TTLL4: variants seen among roughly 807,000 people sequenced by gnomAD.
The protein encoded by TTLL4 is tubulin monoglutamylase TTLL4.
In TTLL4, 85 loss-of-function variants were observed where a neutral mutation model predicts 122.7. The ratio of observed to expected loss-of-function variants is 0.69; its 90% CI spans 0.58 to 0.83. TTLL4 has a LOEUF of 0.83. TTLL4 is among the 40% of genes least tolerant of loss of function. The probability of loss-of-function intolerance (pLI) is 0.00; values close to 1 mark genes in which losing one functional copy is unlikely to be tolerated. For synonymous variants in TTLL4, 553 were observed against 563.0 expected (o/e 0.98, Z 0.25); for missense variants, 1,363 against 1,488.6 (o/e 0.92, Z 1.39).
At position 218,738,705 on chromosome 2, in the gene TTLL4, G is replaced by A; in HGVS notation, c.1029G>A (p.Leu343=). The A allele has an allele frequency of 6.2e-7, 1 of 1,614,230 alleles. No individual in the cohort carries two copies. The highest frequency in any genetic ancestry group is 2.2e-5 in the East Asian group (1 of 44,890). Reference sequence around the variant, plus strand: ...GGTTCACTGAGGCCGTGAGGAAATTGACCGCAAGAGGCTTTGAGAAGATGC... The same window carrying A: ...GGTTCACTGAGGCCGTGAGGAAATTAACCGCAAGAGGCTTTGAGAAGATGC... The part of the protein sequence containing the change: ...EIRFTEAVRK[L]TARGFEKMPR... The change falls in exon 3 of 20, where the codon TTG becomes TTA. Residue 343 remains leucine, a synonymous_variant. Coordinates refer to ENST00000392102, the MANE Select transcript of TTLL4 (RefSeq NM_014640.5).
intron 2 of TTLL4, among the ~76,000 whole-genome samples, chr2:218,730,355 A>AAAAAAG (rs1205364896): frequency 6.9e-6 from 1 of 143,970 alleles, no homozygotes; most frequent in African/African-American, 2.6e-5. Context: ...AAAAAGAAAA[A>AAAAAAG]AAATTAGCTG....
chr2:218,749,141 T>C (rs145726237), intron 13 of TTLL4, 112 bp from the exon 14 acceptor site: 142 of 1,490,420 alleles, frequency 9.5e-5, no homozygotes, highest in Non-Finnish European at 1.2e-4. Flanking sequence ...AGAGCTACCT[T>C]TCCTGGGTTG....
At chr2:218,742,662 T>C (rs1012984118) in intron 5 of TTLL4, among the ~76,000 whole-genome samples, 2 of 152,204 alleles carry the variant, frequency 1.3e-5, no homozygotes, top group African/African-American at 4.8e-5. Flanking sequence ...GTTTGTTTTT[T>C]AAATTAAGCT....
chr2:218,750,761 T>C (rs1942994587), intron 15 of TTLL4, among the ~76,000 whole-genome samples: 1 of 152,200 alleles, frequency 6.6e-6, no homozygotes, highest in Non-Finnish European at 1.5e-5. Flanking sequence ...CCTCTGCTTA[T>C]GGAGTTTCTC....
chr2:218,758,010 AC>A (rs1943185131), downstream of TTLL4, among the ~76,000 whole-genome samples: 1 of 152,066 alleles, frequency 6.6e-6, no homozygotes, highest in South Asian at 2.1e-4. Context: ...GCCTTTCACA[AC>A]CCTTCTTGGC....
At chr2:218,748,383 G>T (rs1195839496) in intron 12 of TTLL4, 156 bp downstream of exon 12, 2 of 1,216,584 alleles carry the variant, frequency 1.6e-6, no homozygotes, top group East Asian at 5.4e-5. Context: ...GGCCGGATGT[G>T]GTGGCTCACG....
chr2:218,751,771 A>G lies in TTLL4; in HGVS notation c.2941A>G (p.Lys981Glu), dbSNP rs1218865997. The G allele has an allele frequency of 1.4e-5, 23 of 1,613,498 alleles. No individual in the cohort carries two copies. The highest frequency in any genetic ancestry group is 1.9e-5 in the Non-Finnish European group (22 of 1,179,688). Residue 981 changes from lysine to glutamate, a missense_variant, in exon 16 of 20, where the codon AAA becomes GAA. By Grantham distance (56) the Lys-to-Glu change is moderately conservative. This residue lies in a region of TTLL4 where 596 missense variants were observed against 655.8 expected (regional missense o/e 0.91). Coordinates refer to ENST00000392102, the MANE Select transcript of TTLL4 (RefSeq NM_014640.5). ...GCATGTCACTGCACAGAAGATGAAG[A>G]AAGCCTATTATCTGACCCAGAAAAT... Reference protein sequence around the residue: ...PEHVTAQKMKKAYYLTQKIPD... With the variant: ...PEHVTAQKMKEAYYLTQKIPD...
rs1272848578 is a variant in TTLL4 at position 218,738,338 on chromosome 2, C to T, written c.662C>T (p.Ser221Phe). The change falls in exon 3 of 20, where the codon TCC becomes TTC. Residue 221 changes from serine (S) to phenylalanine (F), a missense_variant. Transcript: ENST00000392102. Reference protein sequence around the residue: ...SSYKPMLNNNSFMWPNSTPVP... With the variant: ...SSYKPMLNNNFFMWPNSTPVP... ...TATAAGCCCATGCTGAATAATAATT[C>T]CTTCATGTGGCCAAATAGCACGCCA... The T allele has an allele frequency of 1.1e-5, 18 of 1,614,138 alleles. No individual in the cohort carries two copies. The highest frequency in any genetic ancestry group is 1.5e-5 in the Non-Finnish European group (18 of 1,180,038).
At chr2:218,727,735 G>C (rs1033231788) in intron 2 of TTLL4, among the ~76,000 whole-genome samples, 11 of 151,974 alleles carry the variant, frequency 7.2e-5, no homozygotes, top group Non-Finnish European at 1.6e-4. Flanking sequence ...GACAAAGTGA[G>C]ACTCTGTCTC....
At chr2:218,739,340 T>G (rs755031440) in intron 3 of TTLL4, among the ~76,000 whole-genome samples, 177 bp downstream of exon 3, 1 of 152,234 alleles carries the variant, frequency 6.6e-6, no homozygotes, top group African/African-American at 2.4e-5. Context: ...AAATCTTGCT[T>G]GTTGCCTGCT....
At chr2:218,749,048 C>T (rs1007006524) in intron 13 of TTLL4, 114 bp downstream of exon 13, 1 of 1,322,648 alleles carries the variant, frequency 7.6e-7, no homozygotes, top group Non-Finnish European at 1.1e-6. Context: ...GTTTTAAGGA[C>T]AGAGAATAGG....
intron 13 of TTLL4, 42 bp from the exon 14 acceptor site, chr2:218,749,211 T>C (rs771049661): frequency 6.2e-7 from 1 of 1,610,734 alleles, no homozygotes; most frequent in East Asian, 2.2e-5. Context: ...TAGAGCCCTC[T>C]GGGAGGAGCT....
chr2:218,722,851 T>A (rs985424860), intron 1 of TTLL4, among the ~76,000 whole-genome samples: 1 of 152,244 alleles, frequency 6.6e-6, no homozygotes, highest in African/African-American at 2.4e-5. Flanking sequence ...TATTTGAAGC[T>A]GGAAGGACTT....
At position 218,754,366 on chromosome 2, in the gene TTLL4, T is replaced by C; in HGVS notation, c.3577T>C (p.Ser1193Pro). ...ASSTFQSISD[S>P]LLAVSP ...CTCCACTTTCCAGTCAATCAGTGAC[T>C]CCCTCCTGGCTGTGAGCCCATAACT... Residue 1193 changes from serine to proline, a missense_variant, in exon 20 of 20, where the codon TCC becomes CCC. Coordinates refer to ENST00000392102, the MANE Select transcript of TTLL4 (RefSeq NM_014640.5). 6.2e-7 allele frequency: 1 copy of C among 1,614,154 alleles called. No homozygotes were observed. The highest frequency in any genetic ancestry group is 8.5e-7 in the Non-Finnish European group (1 of 1,180,026).
chr2:218,716,758 C>T (rs775097117), intron 1 of TTLL4, among the ~76,000 whole-genome samples: 1 of 152,030 alleles, frequency 6.6e-6, no homozygotes, highest in Non-Finnish European at 1.5e-5. Flanking sequence ...CACTGCACTC[C>T]AGCCTGGCGA....
At chr2:218,732,474 C>G (rs1374173036) in intron 2 of TTLL4, among the ~76,000 whole-genome samples, 1 of 152,118 alleles carries the variant, frequency 6.6e-6, no homozygotes, top group Non-Finnish European at 1.5e-5. Context: ...CAGGTGTCAT[C>G]GTAGGAGGGC....
intron 7 of TTLL4, 96 bp from the exon 8 acceptor site, chr2:218,746,059 A>AGTCTGGGAGCTCTGCCCAG: frequency 1.4e-6 from 2 of 1,458,466 alleles, no homozygotes; most frequent in South Asian, 2.3e-5. Flanking sequence ...TTGAAAACCA[A>AGTCTGGGAGCTCTGCCCAG]GTCTGGGAGC....
At position 218,754,390 on chromosome 2, in the gene TTLL4, C is replaced by A. The variant is rs771124418; in HGVS notation, c.*1C>A. On this transcript the variant is annotated 3_prime_UTR_variant, in exon 20 of 20. Coordinates refer to ENST00000392102, the MANE Select transcript of TTLL4 (RefSeq NM_014640.5). ...CTCCCTCCTGGCTGTGAGCCCATAA[C>A]TGGCCTCTCTCCAAAAGCCTCTGCC... 1.9e-6 allele frequency: 3 copies of A among 1,613,956 alleles called. No individual in the cohort carries two copies. The African/African-American group carries it at 4.0e-5, about 22-fold the overall frequency.
At chr2:218,745,410 G>T in intron 6 of TTLL4, 177 bp downstream of exon 6, 1 of 782,056 alleles carries the variant, frequency 1.3e-6, no homozygotes, top group East Asian at 2.7e-5. Flanking sequence ...TTTCTTGTCT[G>T]TCCTTTAGCT....
Sources: allele counts gnomAD v4.1 joint callset (sites outside exome capture counted in the v4.1 genomes callset), GRCh38; gene constraint gnomAD v4.1.1; regional missense constraint gnomAD v4.1.1; transcripts MANE v1.5; gene names NCBI Gene and HGNC (gene_info 2026-07-23, HGNC 2026-07-21).